PLXNA4: variants seen among roughly 807,000 people sequenced by gnomAD.
The protein encoded by PLXNA4 is plexin-A4.
A neutral mutation model predicts 191.8 loss-of-function variants in PLXNA4; 44 were observed. The observed-to-expected ratio is 0.23, with a 90% CI of 0.18 to 0.29. The LOEUF is 0.29. Ranked by LOEUF, PLXNA4 falls within the 10% of genes least tolerant of loss-of-function variation. The pLI is 1.00. For missense variants in PLXNA4, 1,800 were observed against 2,488.8 expected (o/e 0.72, Z 5.89); for synonymous variants, 1,082 against 1,009.5 (o/e 1.07, Z -1.36).
chr7:132,217,163 A>G (rs1317160386), intron 9 of PLXNA4, among the ~76,000 whole-genome samples: 1 of 152,228 alleles, frequency 6.6e-6, no homozygotes, highest in Non-Finnish European at 1.5e-5. Flanking sequence ...TGAAATGCAC[A>G]CAAAATACAA....
At chr7:132,309,928 G>A (rs545521787) in intron 3 of PLXNA4, among the ~76,000 whole-genome samples, 3 of 152,312 alleles carry the variant, frequency 2.0e-5, no homozygotes, top group African/African-American at 7.2e-5. Flanking sequence ...CTCAGAAGCA[G>A]CTTCACCTCC....
chr7:132,623,495 A>G (rs2116869845), intron 2 of PLXNA4, among the ~76,000 whole-genome samples: 1 of 152,344 alleles, frequency 6.6e-6, no homozygotes, highest in Non-Finnish European at 1.5e-5. Flanking sequence ...ATGGGACTTT[A>G]AAAAGGACTC....
At chr7:132,446,268 G>A (rs1023772290) in intron 3 of PLXNA4, among the ~76,000 whole-genome samples, 13 of 152,130 alleles carry the variant, frequency 8.5e-5, no homozygotes, top group Non-Finnish European at 1.5e-5. Context: ...AACAACATAC[G>A]AACAACAACA....
At chr7:132,203,488 G>T in intron 10 of PLXNA4, 69 bp from the exon 11 acceptor site, 16 of 1,382,202 alleles carry the variant, frequency 1.2e-5, no homozygotes, top group Non-Finnish European at 1.6e-5. Flanking sequence ...GGGCCCAAAT[G>T]ATCAGCCTAC....
intron 2 of PLXNA4, among the ~76,000 whole-genome samples, chr7:132,624,393 T>C (rs1390753289): frequency 6.6e-6 from 1 of 152,146 alleles, no homozygotes; most frequent in African/African-American, 2.4e-5. Context: ...ACAGGTTCTG[T>C]CTCTTCACAC....
chr7:132,224,771 G>T (rs1318873036), intron 8 of PLXNA4, among the ~76,000 whole-genome samples: 2 of 152,122 alleles, frequency 1.3e-5, no homozygotes, highest in African/African-American at 2.4e-5. Context: ...CTCATTTTTG[G>T]CTGGGAGGGC....
chr7:132,346,169 G>A (rs1385260433), intron 3 of PLXNA4, among the ~76,000 whole-genome samples: 1 of 152,156 alleles, frequency 6.6e-6, no homozygotes, highest in East Asian at 1.9e-4. Flanking sequence ...GTGACTTTGG[G>A]CACTTGTTTG....
intron 3 of PLXNA4, among the ~76,000 whole-genome samples, chr7:132,433,659 A>G (rs996825982): frequency 1.1e-4 from 16 of 152,160 alleles, no homozygotes; most frequent in Non-Finnish European, 5.9e-5. Context: ...TCCTACTTAG[A>G]GAGCTGCACA....
At chr7:132,636,283 C>A (rs1156915501) in intron 2 of PLXNA4, among the ~76,000 whole-genome samples, 1 of 152,194 alleles carries the variant, frequency 6.6e-6, no homozygotes, top group Non-Finnish European at 1.5e-5. Flanking sequence ...AATTGGGGAC[C>A]ACAAGAAACC....
chr7:132,590,405 G>A (rs1223557407), intron 2 of PLXNA4, among the ~76,000 whole-genome samples: 1 of 152,162 alleles, frequency 6.6e-6, no homozygotes, highest in Admixed American at 6.5e-5. Context: ...TGACTCACAC[G>A]ATCACAAAGT....
At chr7:132,275,639 G>T (rs10954369) in intron 4 of PLXNA4, among the ~76,000 whole-genome samples, 41 of 152,042 alleles carry the variant, frequency 2.7e-4, no homozygotes, top group African/African-American at 8.9e-4. Flanking sequence ...GTCCCAGAAA[G>T]AAACAAAGGG....
intron 1 of PLXNA4, among the ~76,000 whole-genome samples, chr7:132,561,519 TCTCCTC>T (rs1356804974): frequency 2.0e-5 from 1 of 50,886 alleles, no homozygotes; most frequent in African/African-American, 9.4e-5. Flanking sequence ...TCCTCCTCCT[TCTCCTC>T]CTCCTCCTTC....
rs76052280 is a variant in PLXNA4, at chr7:132,452,544, C to G, written c.1371+36748G>C. On this transcript the variant is annotated intron_variant, in intron 3 of 31. Coordinates refer to ENST00000321063, the MANE Select transcript of PLXNA4 (RefSeq NM_020911.2). ...GTCTCGCATCTCTCCCTGCAAGGCTCATTAGTGAGCCCTCACACACTGCAA... is the reference window on the plus strand; with the variant it reads ...GTCTCGCATCTCTCCCTGCAAGGCTGATTAGTGAGCCCTCACACACTGCAA... 2.8e-3 allele frequency among the ~76,000 whole-genome samples: 433 copies of G among 152,300 alleles called. 2 individuals carry two copies. Among genetic ancestry groups the G allele is most frequent in the Non-Finnish European group, 4.5e-3 (304 of 68,018 alleles).
intron 3 of PLXNA4, among the ~76,000 whole-genome samples, chr7:132,355,686 T>A (rs1025551764): frequency 1.3e-5 from 2 of 151,282 alleles, no homozygotes; most frequent in Non-Finnish European, 2.9e-5. Flanking sequence ...CAATTACAAA[T>A]AGGCATATAA....
At chr7:132,219,985 C>T (rs1337010333) in intron 9 of PLXNA4, among the ~76,000 whole-genome samples, 9 of 152,138 alleles carry the variant, frequency 5.9e-5, no homozygotes, top group South Asian at 2.1e-4. Flanking sequence ...CTATGATGTT[C>T]GCACAATGAC....
At chr7:132,292,036 CT>C (rs1398809588) in intron 4 of PLXNA4, among the ~76,000 whole-genome samples, 1 of 152,164 alleles carries the variant, frequency 6.6e-6, no homozygotes, top group Non-Finnish European at 1.5e-5. Flanking sequence ...CTCAGGTGAC[CT>C]GCCCTCCTCA....
chr7:132,566,632 G>A (rs1288587025), intron 1 of PLXNA4, among the ~76,000 whole-genome samples: 1 of 152,072 alleles, frequency 6.6e-6, no homozygotes, highest in East Asian at 1.9e-4. Context: ...AATTGAGAAG[G>A]TGAATGTCAT....
At position 132,365,338 on chromosome 7, in the gene PLXNA4, T is replaced by TGC. The variant is rs1380905524; in HGVS notation, c.1372-67117_1372-67116insGC. On this transcript the variant is annotated intron_variant, in intron 3 of 31. Transcript: ENST00000321063. Reference sequence around the variant, plus strand: ...CTTTCCTACGGCCCGCGTGTGTGTGTGTGTGTGTGTGTGTGTGTGTGTGCG... The same window carrying TGC: ...CTTTCCTACGGCCCGCGTGTGTGTGTGCGTGTGTGTGTGTGTGTGTGTGTGCG... 6.1e-5 allele frequency among the ~76,000 whole-genome samples: 7 copies of TGC among 115,558 alleles called. No individual in the cohort carries two copies. The South Asian group carries it at 1.9e-3, about 32-fold the overall frequency. The allele number at this position is 115,558 out of a possible 152,430, so 75.8% of individuals were successfully genotyped here. A position where few individuals can be genotyped will look rare whatever the true frequency, so the allele number is the denominator to read the frequency against.
At chr7:132,152,214 C>T (rs76302778) in intron 25 of PLXNA4, among the ~76,000 whole-genome samples, 6,803 of 152,264 alleles carry the variant, frequency 0.045, 204 homozygotes, top group Non-Finnish European at 0.065. Flanking sequence ...CAGGTGGCTT[C>T]CCTCTAGCCC....
Sources: gnomAD v4.1 joint callset for allele counts (sites outside exome capture counted in the v4.1 genomes callset) on GRCh38, gnomAD v4.1.1 for gene constraint, MANE v1.5 for transcripts, NCBI Gene and HGNC (gene_info 2026-07-23, HGNC 2026-07-21) for gene names.